Variants in GABRB1 observed in about 807,000 individuals in gnomAD.
GABRB1 encodes gamma-aminobutyric acid type A receptor subunit beta1.
GABRB1 carries 17 observed loss-of-function variants against 51.6 expected under a neutral mutation model. That is an observed-to-expected ratio of 0.33 (90% confidence interval 0.23 to 0.49). The LOEUF is 0.49. GABRB1 is among the 20% of genes least tolerant of loss of function. The probability of loss-of-function intolerance (pLI) is 0.99; values close to 1 mark genes in which losing one functional copy is unlikely to be tolerated. For synonymous variants in GABRB1, 247 were observed against 218.9 expected (o/e 1.13, Z -1.14); for missense variants, 410 against 600.6 (o/e 0.68, Z 3.32).
In GABRB1 at chr4:47,001,343, C is replaced by T. The variant is rs369901162; in HGVS notation, c.-20+7417C>T. Among the ~76,000 whole-genome samples, 611 of 152,042 alleles carry T rather than the reference C, an allele frequency of 4.0e-3. 6 individuals carry two copies. The highest frequency in any genetic ancestry group is 0.013 in the African/African-American group (538 of 41,418). ...ATTTTTAGTAGAGATGTGGTTTCAC[C>T]GTGTTAGCCAGGATGGTCTGAATCT... is the stretch of plus-strand genomic sequence containing the variant. On this transcript the variant is annotated intron_variant, in intron 1 of 3. Transcript: ENST00000513567.
chr4:47,171,768 T>C (rs1718443035), intron 4 of GABRB1, among the ~76,000 whole-genome samples: 1 of 152,156 alleles, frequency 6.6e-6, no homozygotes, highest in African/African-American at 2.4e-5. Context: ...GAGATAATAC[T>C]ATCGCCTATG....
intron 1 of GABRB1, among the ~76,000 whole-genome samples, chr4:47,023,047 T>C (rs923225798): frequency 4.6e-5 from 7 of 152,052 alleles, no homozygotes; most frequent in Non-Finnish European, 8.8e-5. Context: ...CTGGAGATCA[T>C]TATGTTAAGT....
chr4:47,037,073 A>G (rs183176461), intron 3 of GABRB1, among the ~76,000 whole-genome samples: 237 of 152,298 alleles, frequency 1.6e-3, no homozygotes, highest in Non-Finnish European at 2.4e-3. Context: ...AAACTAATAA[A>G]TAGTCTTCTT....
chr4:47,334,614 T>A (rs1458778869), intron 5 of GABRB1, among the ~76,000 whole-genome samples: 1 of 152,134 alleles, frequency 6.6e-6, no homozygotes, highest in Admixed American at 6.5e-5. Context: ...AAAGAAAAAA[T>A]TTTAAACACT....
intron 4 of GABRB1, among the ~76,000 whole-genome samples, chr4:47,299,119 C>G (rs1456922893): frequency 6.6e-6 from 1 of 151,698 alleles, no homozygotes; most frequent in African/African-American, 2.4e-5. Context: ...AATGTTAGAC[C>G]TAAAACCATA....
intron 3 of GABRB1, among the ~76,000 whole-genome samples, chr4:47,138,194 C>A (rs17539014): frequency 0.25 from 37,526 of 151,762 alleles, 5,976 homozygotes; most frequent in Middle Eastern, 0.43. Context: ...GCAAATTTGC[C>A]CATTTAGGCT....
At chr4:47,199,678 G>T (rs1451220349) in intron 4 of GABRB1, among the ~76,000 whole-genome samples, 1 of 152,076 alleles carries the variant, frequency 6.6e-6, no homozygotes, top group Non-Finnish European at 1.5e-5. Context: ...GAAGCAGATG[G>T]GTAGGTGTAT....
At chr4:47,147,297 TC>T (rs10711739) in intron 3 of GABRB1, among the ~76,000 whole-genome samples, 130,599 of 151,930 alleles carry the variant, frequency 0.86, 56,151 homozygotes, top group African/African-American at 0.9. Context: ...TTTCTTTTTT[TC>T]CTTTCCTCCT....
intron 4 of GABRB1, among the ~76,000 whole-genome samples, chr4:47,279,368 A>G (rs1417467231): frequency 6.6e-6 from 1 of 152,148 alleles, no homozygotes; most frequent in Non-Finnish European, 1.5e-5. Context: ...ATAAAATAAG[A>G]CTGAATAGAG....
At chr4:47,387,160 A>G (rs532421366) in intron 5 of GABRB1, among the ~76,000 whole-genome samples, 21 of 152,290 alleles carry the variant, frequency 1.4e-4, no homozygotes, top group African/African-American at 4.6e-4. Flanking sequence ...GGTTGAGCAA[A>G]TCAGCATCCA....
At chr4:47,265,793 GT>G (rs1722622387) in intron 4 of GABRB1, among the ~76,000 whole-genome samples, 1 of 151,920 alleles carries the variant, frequency 6.6e-6, no homozygotes, top group South Asian at 2.1e-4. Flanking sequence ...GGGGTCATTT[GT>G]TTTTTGTTGT....
chr4:47,132,549 T>C (rs1414792980), intron 3 of GABRB1, among the ~76,000 whole-genome samples: 1 of 152,242 alleles, frequency 6.6e-6, no homozygotes, highest in Admixed American at 6.5e-5. Flanking sequence ...CACTCATTTA[T>C]GTTCTCTACT....
chr4:47,323,941 G>A (rs969178790), intron 5 of GABRB1, among the ~76,000 whole-genome samples: 1 of 152,160 alleles, frequency 6.6e-6, no homozygotes, highest in East Asian at 1.9e-4. Flanking sequence ...AAGGAATTTA[G>A]TCTAAAGCGT....
chr4:47,209,399 T>C (rs1005286509), intron 4 of GABRB1, among the ~76,000 whole-genome samples: 1 of 152,218 alleles, frequency 6.6e-6, no homozygotes, highest in Non-Finnish European at 1.5e-5. Flanking sequence ...CTATTAAATC[T>C]AATTTCATAT....
At chr4:47,025,929 G>A (rs1332598832) in intron 1 of GABRB1, among the ~76,000 whole-genome samples, 1 of 151,792 alleles carries the variant, frequency 6.6e-6, no homozygotes, top group Non-Finnish European at 1.5e-5. Flanking sequence ...CTTTACTTGT[G>A]CTTTCCACCT....
At chr4:47,227,838 G>T (rs1479669972) in intron 4 of GABRB1, among the ~76,000 whole-genome samples, 1 of 152,152 alleles carries the variant, frequency 6.6e-6, no homozygotes, top group East Asian at 1.9e-4. Flanking sequence ...TTGCCTTGCA[G>T]ATGGCTGCCT....
intron 4 of GABRB1, among the ~76,000 whole-genome samples, chr4:47,198,050 G>T (rs1249597120): frequency 3.9e-5 from 6 of 152,178 alleles, no homozygotes; most frequent in Non-Finnish European, 7.3e-5. Context: ...GAAAGAGATT[G>T]CCTTGGGGTC....
intron 4 of GABRB1, among the ~76,000 whole-genome samples, chr4:47,309,822 A>G (rs1215157818): frequency 6.6e-6 from 1 of 152,110 alleles, no homozygotes; most frequent in African/African-American, 2.4e-5. Context: ...TATTTTCCAG[A>G]TGTTTTAATA....
At chr4:47,103,037 T>C (rs893038349) in intron 3 of GABRB1, among the ~76,000 whole-genome samples, 1 of 151,974 alleles carries the variant, frequency 6.6e-6, no homozygotes, top group African/African-American at 2.4e-5. Flanking sequence ...GTGCATTCTA[T>C]GACATATGGA....
Sources: gnomAD v4.1 joint callset for allele counts (sites outside exome capture counted in the v4.1 genomes callset) on GRCh38, gnomAD v4.1.1 for gene constraint, MANE v1.5 for transcripts, NCBI Gene and HGNC (gene_info 2026-07-23, HGNC 2026-07-21) for gene names.